The following ZNF385B variants were observed in gnomAD, a reference collection of about 807,000 sequenced individuals.
ZNF385B encodes the protein zinc finger protein 533.
In ZNF385B, 23 loss-of-function variants were observed where a neutral mutation model predicts 39.2. That is an observed-to-expected ratio of 0.59 (90% CI 0.42 to 0.83). The LOEUF is 0.83. ZNF385B is among the 40% of genes least tolerant of loss of function. The pLI is 0.00. For missense variants in ZNF385B, 552 were observed against 598.9 expected, an observed-to-expected ratio of 0.92 and a Z score of 0.82; for synonymous variants, 205 against 222.6, an observed-to-expected ratio of 0.92 and a Z score of 0.70.
chr2:179,461,272 C>T (rs1241973260), intron 6 of ZNF385B, among the ~76,000 whole-genome samples: 8 of 152,050 alleles, frequency 5.3e-5, no homozygotes, highest in Non-Finnish European at 7.4e-5. Context: ...CTTCATAAGA[C>T]CATTTTGCCT....
chr2:179,859,073 T>A (rs1684833373), intron 1 of ZNF385B, among the ~76,000 whole-genome samples: 1 of 152,138 alleles, frequency 6.6e-6, no homozygotes, highest in African/African-American at 2.4e-5. Context: ...CTGAATCAGG[T>A]CACTTGCCTG....
At chr2:179,645,332 T>C (rs1460143958) in intron 3 of ZNF385B, among the ~76,000 whole-genome samples, 2 of 152,234 alleles carry the variant, frequency 1.3e-5, no homozygotes. Context: ...AACCCATTTT[T>C]ATTCCTAATA....
chr2:179,843,840 G>C (rs916911071), intron 1 of ZNF385B, among the ~76,000 whole-genome samples: 1 of 152,160 alleles, frequency 6.6e-6, no homozygotes, highest in African/African-American at 2.4e-5. Context: ...AAGTCAGGCT[G>C]GTTTCACCCT....
chr2:179,650,882 A>G (rs1019913022), intron 3 of ZNF385B, among the ~76,000 whole-genome samples: 4 of 152,194 alleles, frequency 2.6e-5, no homozygotes, highest in African/African-American at 7.2e-5. Flanking sequence ...GTTAAGACGC[A>G]TTAAATCCAC....
intron 5 of ZNF385B, among the ~76,000 whole-genome samples, chr2:179,490,456 C>A (rs1447849222): frequency 6.6e-6 from 1 of 151,890 alleles, no homozygotes; most frequent in Non-Finnish European, 1.5e-5. Flanking sequence ...ATTCATCAGC[C>A]AACAGTCTTG....
At chr2:179,610,550 T>C (rs370337703) in intron 3 of ZNF385B, among the ~76,000 whole-genome samples, 122 of 152,306 alleles carry the variant, frequency 8.0e-4, no homozygotes, top group African/African-American at 2.8e-3. Flanking sequence ...TCTTTTGTGA[T>C]TTCATGTAAA....
chr2:179,560,381 A>C (rs2061250054), intron 3 of ZNF385B, among the ~76,000 whole-genome samples: 1 of 152,178 alleles, frequency 6.6e-6, no homozygotes. Context: ...CCTTTGCTTT[A>C]AAAGACACCA....
intron 1 of ZNF385B, among the ~76,000 whole-genome samples, chr2:179,805,612 T>C (rs1389557814): frequency 6.6e-6 from 1 of 152,230 alleles, no homozygotes; most frequent in African/African-American, 2.4e-5. Flanking sequence ...GCAAATTACC[T>C]AACTTGCCTG....
At chr2:179,836,513 CT>C (rs755278598) in intron 1 of ZNF385B, among the ~76,000 whole-genome samples, 70 of 124,170 alleles carry the variant, frequency 5.6e-4, no homozygotes, top group Middle Eastern at 4.7e-3. Context: ...CTTGCGTTTT[CT>C]TTTTTTTTTT....
chr2:179,579,371 G>C (rs1574882304), intron 3 of ZNF385B, among the ~76,000 whole-genome samples: 1 of 151,820 alleles, frequency 6.6e-6, no homozygotes, highest in African/African-American at 2.4e-5. Flanking sequence ...TTATTAATGA[G>C]AACAAAATGA....
intron 4 of ZNF385B, among the ~76,000 whole-genome samples, chr2:179,539,261 T>G (rs1243041451): frequency 6.6e-6 from 1 of 152,054 alleles, no homozygotes; most frequent in Non-Finnish European, 1.5e-5. Context: ...GAGGGAAAGC[T>G]CTCTATGCTC....
intron 3 of ZNF385B, among the ~76,000 whole-genome samples, chr2:179,669,616 GA>G (rs1367035314): frequency 1.3e-5 from 2 of 152,002 alleles, no homozygotes; most frequent in African/African-American, 4.8e-5. Flanking sequence ...GGGGGAAAAT[GA>G]AAAAACACAT....
chr2:179,776,495 T>C (rs1704325716), intron 1 of ZNF385B, among the ~76,000 whole-genome samples: 1 of 152,134 alleles, frequency 6.6e-6, no homozygotes, highest in African/African-American at 2.4e-5. Flanking sequence ...CTATTTACAA[T>C]TGTTGAATTA....
intron 3 of ZNF385B, among the ~76,000 whole-genome samples, chr2:179,604,192 G>A (rs2050060173): frequency 6.6e-6 from 1 of 152,124 alleles, no homozygotes; most frequent in Non-Finnish European, 1.5e-5. Context: ...GATTGGCACA[G>A]CACCTGACCT....
intron 5 of ZNF385B, among the ~76,000 whole-genome samples, chr2:179,506,205 T>G (rs1378822988): frequency 1.3e-5 from 2 of 152,122 alleles, no homozygotes; most frequent in African/African-American, 4.8e-5. Flanking sequence ...AATAGTTGAT[T>G]TGAAATCAAT....
At chr2:179,628,009 T>A (rs1690830061) in intron 3 of ZNF385B, among the ~76,000 whole-genome samples, 1 of 152,202 alleles carries the variant, frequency 6.6e-6, no homozygotes, top group Non-Finnish European at 1.5e-5. Context: ...ATGGCCAACC[T>A]TATTTCATTG....
rs72968692 is a variant in ZNF385B, at chr2:179,820,829, G to C, written c.-155+40272C>G. Among the ~76,000 whole-genome samples the C allele has an allele frequency of 3.8e-3, 573 of 152,152 alleles. 3 individuals carry two copies. The highest frequency in any genetic ancestry group is 6.0e-3 in the Non-Finnish European group (410 of 67,980). On this transcript the variant is annotated intron_variant, in intron 1 of 9. Coordinates refer to ENST00000410066, the MANE Select transcript of ZNF385B (RefSeq NM_152520.6). ...AAATGGTGGATGTTTGCTTTTTCTT[G>C]TAAATATTCTAAGTCAGAAAAAGGA...
chr2:179,848,233 G>T (rs779158800), intron 1 of ZNF385B, among the ~76,000 whole-genome samples: 15 of 152,292 alleles, frequency 9.8e-5, no homozygotes, highest in Non-Finnish European at 1.9e-4. Flanking sequence ...AGAGGTACAG[G>T]TTTACTCAGG....
chr2:179,510,988 A>ATT (rs1379525391), intron 5 of ZNF385B, among the ~76,000 whole-genome samples: 2 of 152,212 alleles, frequency 1.3e-5, no homozygotes, highest in Non-Finnish European at 2.9e-5. Context: ...AGAAAACCCA[A>ATT]GTGGGTACCC....
Sources: gnomAD v4.1 joint callset for allele counts (sites outside exome capture counted in the v4.1 genomes callset) on GRCh38, gnomAD v4.1.1 for gene constraint, MANE v1.5 for transcripts, NCBI Gene and HGNC (gene_info 2026-07-23, HGNC 2026-07-21) for gene names.